RBMS3: variants seen among roughly 807,000 people sequenced by gnomAD.
RBMS3 encodes the protein RNA-binding motif, single-stranded-interacting protein 3.
Under a neutral mutation model 66.8 loss-of-function variants are expected in RBMS3, and 27 were observed. The ratio of observed to expected loss-of-function variants is 0.40; its 90% CI spans 0.30 to 0.56. RBMS3 has a LOEUF of 0.56. Among genes scored for constraint, RBMS3 ranks in the 20% least tolerant of loss-of-function variants. The pLI, the probability that RBMS3 is intolerant of heterozygous loss-of-function variation, is 0.40. For synonymous variants in RBMS3, 188 were observed against 183.0 expected (o/e 1.03, Z -0.22); for missense variants, 513 against 549.5 (o/e 0.93, Z 0.66).
At chr3:29,462,581 ACT>A (rs758687045) in intron 2 of RBMS3, among the ~76,000 whole-genome samples, 1 of 152,026 alleles carries the variant, frequency 6.6e-6, no homozygotes, top group Non-Finnish European at 1.5e-5. Flanking sequence ...AATGCTACCC[ACT>A]CTCTCTGTGT....
intron 10 of RBMS3, among the ~76,000 whole-genome samples, chr3:29,930,225 C>T (rs1192739027): frequency 6.8e-6 from 1 of 147,506 alleles, no homozygotes; most frequent in Non-Finnish European, 1.5e-5. Context: ...CATTCTCCTG[C>T]CTCAGCCTCC....
intron 10 of RBMS3, among the ~76,000 whole-genome samples, chr3:29,919,560 C>G (rs2060717196): frequency 6.6e-6 from 1 of 152,156 alleles, no homozygotes; most frequent in African/African-American, 2.4e-5. Context: ...TGTCAGCTGT[C>G]CCTCTATATT....
chr3:29,412,821 G>A (rs927658811), intron 1 of RBMS3, among the ~76,000 whole-genome samples: 3 of 152,168 alleles, frequency 2.0e-5, no homozygotes, highest in African/African-American at 7.2e-5. Flanking sequence ...AGATAAATCT[G>A]TCTATGATAA....
chr3:29,490,731 G>A (rs1199314498), intron 3 of RBMS3, among the ~76,000 whole-genome samples: 1 of 152,118 alleles, frequency 6.6e-6, no homozygotes, highest in African/African-American at 2.4e-5. Context: ...TTGAGAACTT[G>A]GAGAACATTT....
chr3:29,400,601 C>T (rs1278238706), intron 1 of RBMS3, among the ~76,000 whole-genome samples: 3 of 151,688 alleles, frequency 2.0e-5, no homozygotes, highest in Admixed American at 6.6e-5. Flanking sequence ...CAATAAAAAA[C>T]AAAGACAAGC....
At chr3:29,689,497 C>T (rs141475754) in intron 4 of RBMS3, among the ~76,000 whole-genome samples, 2 of 152,118 alleles carry the variant, frequency 1.3e-5, no homozygotes, top group East Asian at 1.9e-4. Flanking sequence ...TTTAATTTTA[C>T]TTGTATGGCA....
chr3:29,805,827 A>G (rs1445028589), intron 6 of RBMS3, among the ~76,000 whole-genome samples: 1 of 152,052 alleles, frequency 6.6e-6, no homozygotes, highest in Non-Finnish European at 1.5e-5. Context: ...TGTTAAAGAG[A>G]GAAAAATATG....
Position 29,830,633 on chromosome 3 carries a change from C to T in RBMS3, c.638-38225C>T, listed in dbSNP as rs1239467191. On this transcript the variant is annotated intron_variant, in intron 6 of 14. Transcript: ENST00000383767. ...CGTTGATGATAATTTTAGTACTTAA[C>T]TAAAAACCATGGTTTTTTGACTCTT... Among the ~76,000 whole-genome samples, 4 of 152,126 alleles carry T rather than the reference C, an allele frequency of 2.6e-5. No individual in the cohort carries two copies. The South Asian group carries it at 6.2e-4, about 24-fold the overall frequency.
chr3:29,834,074 A>G (rs2058442061), intron 6 of RBMS3, among the ~76,000 whole-genome samples: 1 of 152,088 alleles, frequency 6.6e-6, no homozygotes, highest in South Asian at 2.1e-4. Context: ...CAAAACAAAA[A>G]TAGATTACCT....
At chr3:29,684,414 G>C (rs1044315739) in intron 4 of RBMS3, among the ~76,000 whole-genome samples, 5 of 152,088 alleles carry the variant, frequency 3.3e-5, no homozygotes, top group Non-Finnish European at 7.4e-5. Context: ...ATTTCTTTAT[G>C]TACCTATCTA....
At chr3:29,969,187 C>T (rs1216292128) in intron 12 of RBMS3, among the ~76,000 whole-genome samples, 1 of 152,126 alleles carries the variant, frequency 6.6e-6, no homozygotes, top group East Asian at 1.9e-4. Context: ...GATTAAATGC[C>T]TAATAGACAA....
chr3:29,726,810 A>G (rs1042744179), intron 4 of RBMS3, among the ~76,000 whole-genome samples: 5 of 152,220 alleles, frequency 3.3e-5, no homozygotes, highest in Admixed American at 6.5e-5. Flanking sequence ...TATAGATTCA[A>G]TGCTATTCCT....
intron 8 of RBMS3, among the ~76,000 whole-genome samples, chr3:29,891,789 C>T (rs2060006844): frequency 6.6e-6 from 1 of 151,454 alleles, no homozygotes; most frequent in Non-Finnish European, 1.5e-5. Context: ...TATCTTATTA[C>T]ACTAGGAAAG....
chr3:29,968,043 G>A (rs934868813), intron 12 of RBMS3, among the ~76,000 whole-genome samples: 1 of 152,048 alleles, frequency 6.6e-6, no homozygotes, highest in African/African-American at 2.4e-5. Context: ...CTCTAGTTCT[G>A]TAAAGTGTGA....
intron 7 of RBMS3, among the ~76,000 whole-genome samples, chr3:29,873,124 C>T (rs1391485093): frequency 6.6e-6 from 1 of 151,892 alleles, no homozygotes; most frequent in African/African-American, 2.4e-5. Flanking sequence ...TTTTCTAGTT[C>T]TGTGAATAAT....
intron 3 of RBMS3, among the ~76,000 whole-genome samples, chr3:29,498,356 G>A (rs886166947): frequency 3.3e-5 from 5 of 151,652 alleles, no homozygotes; most frequent in Admixed American, 3.3e-4. Flanking sequence ...TCTTTTTAAT[G>A]GTTTAAAGCT....
chr3:29,631,846 A>G (rs1382781497), intron 4 of RBMS3, among the ~76,000 whole-genome samples: 1 of 151,884 alleles, frequency 6.6e-6, no homozygotes, highest in African/African-American at 2.4e-5. Context: ...TTAACTTTTC[A>G]AAACTTCTTT....
chr3:29,385,962 G>A (rs2038990387), intron 1 of RBMS3, among the ~76,000 whole-genome samples: 1 of 151,956 alleles, frequency 6.6e-6, no homozygotes. Context: ...TCATGTCCCA[G>A]CATCTCTTTA....
At chr3:29,503,293 C>T (rs2044046745) in intron 3 of RBMS3, among the ~76,000 whole-genome samples, 1 of 152,158 alleles carries the variant, frequency 6.6e-6, no homozygotes, top group Non-Finnish European at 1.5e-5. Context: ...CACGTAGTTT[C>T]CTATTGTCTC....
Sources: allele counts gnomAD v4.1 joint callset (sites outside exome capture counted in the v4.1 genomes callset), GRCh38; gene constraint gnomAD v4.1.1; transcripts MANE v1.5; gene names NCBI Gene and HGNC (gene_info 2026-07-23, HGNC 2026-07-21).